Variants in HECTD4 observed in about 807,000 individuals in gnomAD.
HECTD4 encodes HECT domain E3 ubiquitin protein ligase 4.
A neutral mutation model predicts 471.5 loss-of-function variants in HECTD4; 114 were observed. That is an observed-to-expected ratio of 0.24 (90% CI 0.21 to 0.28). HECTD4 has a LOEUF of 0.28. Ranked by LOEUF, HECTD4 falls within the 10% of genes least tolerant of loss-of-function variation. The pLI is 1.00. For synonymous variants in HECTD4, 2,012 were observed against 2,256.0 expected (o/e 0.89, Z 3.07); for missense variants, 3,866 against 5,651.5 (o/e 0.68, Z 10.13).
intron 64 of HECTD4, among the ~76,000 whole-genome samples, chr12:112,177,178 G>C (rs1022650327): frequency 2.6e-5 from 4 of 152,092 alleles, no homozygotes; most frequent in Non-Finnish European, 4.4e-5. Context: ...AGTGCTGATT[G>C]AGAAACACCA....
Position 112,162,440 on chromosome 12 carries a change from G to T in HECTD4, c.13204C>A (p.Leu4402Met), listed in dbSNP as rs535569640. 2.0e-4 allele frequency: 327 copies of T among 1,614,034 alleles called. 4 individuals carry two copies. In the South Asian group the frequency reaches 3.4e-3, roughly 17 times the overall value. Residue 4402 changes from leucine (L) to methionine (M), a missense_variant, in exon 76 of 76, where the codon CTG becomes ATG. Coordinates refer to ENST00000682272, the MANE Select transcript of HECTD4 (RefSeq NM_001388303.1). The surrounding 1 kb of genome is among the most constrained non-coding windows in gnomAD (Gnocchi z 5.2). ...LPQYSSLEIM[L>M]EKLRCAIHYR... Reference sequence around the variant, plus strand: ...TGAATGGCACAACGAAGTTTCTCCAGCATGATTTCCAGAGAGGAGTACTGG... The same window carrying T: ...TGAATGGCACAACGAAGTTTCTCCATCATGATTTCCAGAGAGGAGTACTGG...
Position 112,179,487 on chromosome 12 carries a change from A to G in HECTD4, c.10988-90T>C. 1 of 1,157,744 alleles carries G rather than the reference A, an allele frequency of 8.6e-7. No homozygotes were observed. The highest frequency in any genetic ancestry group is 1.3e-6 in the Non-Finnish European group (1 of 798,700). 71.7% of individuals were successfully genotyped at this position (1,157,744 alleles called of 1,614,324 possible). ...CATTCTGTTTCCAAACACTGTTTGA[A>G]AGGGGCAGTGGATGGACATTAGTGG... is the stretch of plus-strand genomic sequence containing the variant. On this transcript the variant is annotated intron_variant, in intron 62 of 75. Coordinates refer to ENST00000682272, the MANE Select transcript of HECTD4 (RefSeq NM_001388303.1). The surrounding 1 kb of genome is among the most constrained non-coding windows in gnomAD (Gnocchi z 4.3).
intron 17 of HECTD4, among the ~76,000 whole-genome samples, chr12:112,263,689 T>G (rs1249751753): frequency 2.0e-5 from 3 of 148,666 alleles, no homozygotes; most frequent in African/African-American, 7.5e-5. Context: ...TTGAAATTAT[T>G]TAATGCTCCC....
At position 112,193,575 on chromosome 12, in the gene HECTD4, T is replaced by G. The variant is rs375726754; in HGVS notation, c.8849A>C (p.Asn2950Thr). ...GAGCCACTCTCTCACTGTCTGGGAGTTGCCCTGGTAAAAGAGGTCCGTGGC... is the reference window on the plus strand; with the variant it reads ...GAGCCACTCTCTCACTGTCTGGGAGGTGCCCTGGTAAAAGAGGTCCGTGGC... Reference protein sequence around the residue: ...CSATDLFYQGNSQTVREWLNV... With the variant: ...CSATDLFYQGTSQTVREWLNV... Residue 2950 changes from asparagine to threonine, a missense_variant, in exon 57 of 76, where the codon AAC becomes ACC. Coordinates refer to ENST00000682272, the MANE Select transcript of HECTD4 (RefSeq NM_001388303.1). This position sits in a 1 kb window ranked among gnomAD's most constrained non-coding sequence, Gnocchi z 5.2. The G allele has an allele frequency of 6.2e-7, 1 of 1,613,060 alleles. No homozygotes were observed. Among genetic ancestry groups the G allele is most frequent in the South Asian group, 1.1e-5 (1 of 90,764 alleles).
At chr12:112,216,268 T>C in intron 48 of HECTD4, 24 bp downstream of exon 48, 1 of 1,485,394 alleles carries the variant, frequency 6.7e-7, no homozygotes, top group African/African-American at 1.4e-5. Flanking sequence ...TCACACAGGG[T>C]GGAAAAGCTC....
chr12:112,175,806 G>A lies in HECTD4; in HGVS notation c.11524C>T (p.Arg3842Ter). 2 of 1,613,396 alleles carry A rather than the reference G, an allele frequency of 1.2e-6. No homozygotes were observed. The highest frequency in any genetic ancestry group is 8.5e-7 in the Non-Finnish European group (1 of 1,179,664). Residue 3842 changes from arginine to a stop codon, truncating the protein, a stop_gained, in exon 66 of 76, where the codon CGA (arginine) becomes TGA (stop). Transcript: ENST00000682272. LOFTEE classifies it high-confidence loss of function. ...LEGFHKFVID[R>*]ARQDIRSVWR... ...ACGCTACGGATATCTTGCCTGGCTCGGTCAATAACAAATTTGTGAAATCCT... is the reference window on the plus strand; with the variant it reads ...ACGCTACGGATATCTTGCCTGGCTCAGTCAATAACAAATTTGTGAAATCCT...
chr12:112,239,938 C>T lies in HECTD4; in HGVS notation c.5048G>A (p.Arg1683His), dbSNP rs995488554. Residue 1683 changes from arginine (R) to histidine (H), a missense_variant, in exon 33 of 76, where the codon CGT becomes CAT. Transcript: ENST00000682272. The surrounding 1 kb of genome is among the most constrained non-coding windows in gnomAD (Gnocchi z 4.9). ...GCTATTTGCGCAAGCGATAGGGTAA[C>T]GAGCACACAGAGACACAACAGAGGT... is the stretch of plus-strand genomic sequence containing the variant. The part of the protein sequence containing the change: ...TMTSVVSLCA[R>H]YPIACANSIG... 5 of 1,613,986 alleles carry T rather than the reference C, an allele frequency of 3.1e-6. No individual in the cohort carries two copies. The highest frequency in any genetic ancestry group is 2.2e-5 in the East Asian group (1 of 44,888).
chr12:112,212,585 T>G lies in HECTD4; in HGVS notation c.7531A>C (p.Lys2511Gln), dbSNP rs1316693754. Residue 2511 changes from lysine (K) to glutamine (Q), a missense_variant, in exon 49 of 76, where the codon AAG becomes CAG. Physicochemically the swap from Lys to Gln is moderately conservative, Grantham distance 53. This residue lies in a region of HECTD4 where 617 missense variants were observed against 915.1 expected (regional missense o/e 0.67). Transcript: ENST00000682272. ...GTPPPPGQPA[K>Q]GRVYFTYCGQ... ...CAGTATGTGAAGTACACCCGGCCCT[T>G]GGCTGGCTGTCCCGGAGGAGGTGGA... The G allele has an allele frequency of 6.2e-7, 1 of 1,613,902 alleles. No individual in the cohort carries two copies. The highest frequency in any genetic ancestry group is 8.5e-7 in the Non-Finnish European group (1 of 1,179,848).
At chr12:112,189,020 CT>C (rs1189224664) in intron 60 of HECTD4, among the ~76,000 whole-genome samples, 8 of 152,236 alleles carry the variant, frequency 5.3e-5, no homozygotes, top group African/African-American at 1.7e-4. Flanking sequence ...TACGTCCCCC[CT>C]ATCCACTCCC....
rs573602385 is a variant in HECTD4 at position 112,343,756 on chromosome 12, CAG to C, written c.178-24016_178-24015del. ...ACTATACTGCAGCCTGGGCAACAGA[CAG>C]AGAGACCCCATCTCTTGGGAAAAAA... On this transcript the variant is annotated intron_variant, in intron 1 of 75. Coordinates refer to ENST00000682272, the MANE Select transcript of HECTD4 (RefSeq NM_001388303.1). 6.6e-5 allele frequency among the ~76,000 whole-genome samples: 10 copies of C among 151,616 alleles called. No homozygotes were observed. The South Asian group carries it at 1.9e-3, about 28-fold the overall frequency.
rs761431860 is a variant in HECTD4, at chr12:112,184,574, G to T, written c.10392C>A (p.Pro3464=). 13 of 1,613,536 alleles carry T rather than the reference G, an allele frequency of 8.1e-6. No homozygotes were observed. Among genetic ancestry groups the T allele is most frequent in the Non-Finnish European group, 3.4e-6 (4 of 1,179,874 alleles). The part of the protein sequence containing the change: ...KVEPEKTLAF[P]GTDSMEVSTS... ...TGCTGACCTCCATGCTGTCTGTGCC[G>T]GGGAAGGCCAGTGTCTTCTCGGGCT... is the stretch of plus-strand genomic sequence containing the variant. The change falls in exon 61 of 76, where the codon CCC becomes CCA. Residue 3464 remains proline (P), a synonymous_variant. Coordinates refer to ENST00000682272, the MANE Select transcript of HECTD4 (RefSeq NM_001388303.1). This position sits in a 1 kb window ranked among gnomAD's most constrained non-coding sequence, Gnocchi z 9.1.
chr12:112,208,841 C>T (rs1440624011), intron 50 of HECTD4, among the ~76,000 whole-genome samples: 2 of 142,806 alleles, frequency 1.4e-5, no homozygotes, highest in Non-Finnish European at 3.0e-5. Flanking sequence ...ATAATTCATT[C>T]AATTCAGAGA....
At chr12:112,283,416 A>G (rs1391381821) in intron 7 of HECTD4, 114 bp from the exon 8 acceptor site, 1 of 752,218 alleles carries the variant, frequency 1.3e-6, no homozygotes, top group Non-Finnish European at 2.1e-6. Flanking sequence ...ACTGCTCCTG[A>G]GTAGATGTAT....
At chr12:112,180,972 A>C (rs1254492687) in intron 62 of HECTD4, among the ~76,000 whole-genome samples, 2 of 152,120 alleles carry the variant, frequency 1.3e-5, no homozygotes, top group Non-Finnish European at 1.5e-5. Context: ...CAGCTAAAAA[A>C]AAAAAAAAAT....
rs1480079820 is a variant in HECTD4, at chr12:112,258,585, C to A, written c.3039G>T (p.Leu1013=). Residue 1013 remains leucine, a synonymous_variant, in exon 20 of 76, where the codon CTG becomes CTT. Coordinates refer to ENST00000682272, the MANE Select transcript of HECTD4 (RefSeq NM_001388303.1). ...CAAAAACCGGACACTGGGTTTTAAG[C>A]AGCAACGCCGTCTGAAACACAAAAC... ...LVLYTSQTAL[L]LKTQCPVFAE... 1 of 1,599,832 alleles carries A rather than the reference C, an allele frequency of 6.3e-7. No homozygotes were observed. The highest frequency in any genetic ancestry group is 1.4e-5 in the African/African-American group (1 of 73,948).
chr12:112,237,058 C>A lies in HECTD4; in HGVS notation c.5331G>T (p.Gln1777His). ...GATGGTTAGTGAGAAGGCTGGACAC[C>A]TGCCGGGCCAGACCTGAGTGCACAG... ...TEAVHSGLARQVSSLLTNHLA... is the reference protein window; with the variant it reads ...TEAVHSGLARHVSSLLTNHLA... The change falls in exon 35 of 76, where the codon CAG (glutamine) becomes CAT (histidine). Residue 1777 changes from glutamine (Q) to histidine (H), a missense_variant. Physicochemically the swap from Gln to His is conservative, Grantham distance 24 (BLOSUM62 0). This residue lies in a region of HECTD4 where 229 missense variants were observed against 386.4 expected (regional missense o/e 0.59). Transcript: ENST00000682272. The A allele has an allele frequency of 6.3e-7, 1 of 1,598,048 alleles. No individual in the cohort carries two copies. Among genetic ancestry groups the A allele is most frequent in the East Asian group, 2.3e-5 (1 of 44,120 alleles).
chr12:112,184,721 G>A lies in HECTD4; in HGVS notation c.10245C>T (p.Gly3415=), dbSNP rs758604968. 6 of 1,612,810 alleles carry A rather than the reference G, an allele frequency of 3.7e-6. No individual in the cohort carries two copies. The South Asian group carries it at 4.4e-5, about 12-fold the overall frequency. Residue 3415 remains glycine, a synonymous_variant, in exon 61 of 76, where the codon GGC becomes GGT. Transcript: ENST00000682272. This position sits in a 1 kb window ranked among gnomAD's most constrained non-coding sequence, Gnocchi z 9.1. The part of the protein sequence containing the change: ...PTHLDEGVVR[G]AIRKACNAHG... ...GGGCGTTGCAGGCCTTGCGGATGGC[G>A]CCTCTGACTACGCCCTCGTCCAGGT...
chr12:112,354,470 G>A (rs1308305182), intron 1 of HECTD4, among the ~76,000 whole-genome samples: 2 of 152,134 alleles, frequency 1.3e-5, no homozygotes, highest in Non-Finnish European at 2.9e-5. Context: ...AAACCAAGGA[G>A]CAGCCAGTAG....
intron 32 of HECTD4, among the ~76,000 whole-genome samples, chr12:112,240,528 C>A (rs1040603338): frequency 2.0e-5 from 3 of 151,844 alleles, no homozygotes; most frequent in Non-Finnish European, 4.4e-5. Context: ...CAGCTCACTG[C>A]AGCCTTGATC....
Sources: gnomAD v4.1 joint callset for allele counts (sites outside exome capture counted in the v4.1 genomes callset) on GRCh38, gnomAD v4.1.1 for gene constraint, gnomAD v4.1.1 regional missense constraint, Gnocchi (gnomAD v3.1) non-coding constraint, MANE v1.5 for transcripts, NCBI Gene and HGNC (gene_info 2026-07-23, HGNC 2026-07-21) for gene names.